The following SLC35F4 variants were observed in gnomAD, a reference collection of about 807,000 sequenced individuals.
The protein encoded by SLC35F4 is solute carrier family 35 member F4, also known as chromosome 14 open reading frame 36.
Under a neutral mutation model 44.2 loss-of-function variants are expected in SLC35F4, and 24 were observed. The observed-to-expected ratio is 0.54, with a 90% CI of 0.39 to 0.76. SLC35F4 has a LOEUF of 0.76. Among genes scored for constraint, SLC35F4 ranks in the 30% least tolerant of loss-of-function variants. The pLI, the probability that SLC35F4 is intolerant of heterozygous loss-of-function variation, is 0.00. For synonymous variants in SLC35F4, 238 were observed against 223.6 expected (o/e 1.06, Z -0.57); for missense variants, 562 against 586.1 (o/e 0.96, Z 0.42).
chr14:57,706,801 G>A (rs2075687351), intron 1 of SLC35F4, among the ~76,000 whole-genome samples: 1 of 152,118 alleles, frequency 6.6e-6, no homozygotes, highest in African/African-American at 2.4e-5. Context: ...ACAAGATGAG[G>A]CTGGAGAAGT....
intron 1 of SLC35F4, among the ~76,000 whole-genome samples, chr14:57,856,522 T>C (rs779163780): frequency 5.9e-5 from 9 of 152,052 alleles, no homozygotes; most frequent in Non-Finnish European, 1.2e-4. Context: ...ATCCAGTTTA[T>C]ATGTAAATTT....
chr14:57,628,963 C>T (rs556944323), intron 1 of SLC35F4, among the ~76,000 whole-genome samples: 103 of 152,204 alleles, frequency 6.8e-4, no homozygotes, highest in African/African-American at 2.3e-3. Flanking sequence ...GTGATGATAA[C>T]AGCACAAGAA....
intron 1 of SLC35F4, among the ~76,000 whole-genome samples, chr14:57,814,039 T>G (rs1302710580): frequency 6.6e-6 from 1 of 152,170 alleles, no homozygotes; most frequent in Non-Finnish European, 1.5e-5. Context: ...AGTCCTGGCC[T>G]GAAAAAGCCC....
intron 1 of SLC35F4, among the ~76,000 whole-genome samples, chr14:57,933,813 T>C (rs1252035336): frequency 6.6e-6 from 1 of 152,132 alleles, no homozygotes; most frequent in Non-Finnish European, 1.5e-5. Flanking sequence ...GTGCAAAGAA[T>C]AAAATGAATC....
chr14:57,887,690 C>T (rs761598075), intron 1 of SLC35F4, among the ~76,000 whole-genome samples: 1 of 152,068 alleles, frequency 6.6e-6, no homozygotes, highest in Non-Finnish European at 1.5e-5. Context: ...TCACAGAGTC[C>T]CAGCAATGGA....
intron 1 of SLC35F4, among the ~76,000 whole-genome samples, chr14:57,846,800 G>T (rs947121005): frequency 6.6e-6 from 1 of 152,174 alleles, no homozygotes; most frequent in African/African-American, 2.4e-5. Flanking sequence ...GATTAAATGT[G>T]TCAGGGGGTT....
chr14:57,716,905 T>G (rs56068443), intron 1 of SLC35F4, among the ~76,000 whole-genome samples: 59,989 of 151,702 alleles, frequency 0.4, 11,824 homozygotes, highest in Middle Eastern at 0.42. Context: ...TAGTAACCAT[T>G]ATTCTACTCT....
intron 1 of SLC35F4, among the ~76,000 whole-genome samples, chr14:57,806,250 A>G (rs1227312794): frequency 6.6e-6 from 1 of 152,198 alleles, no homozygotes; most frequent in Non-Finnish European, 1.5e-5. Flanking sequence ...GTTTGTTCCC[A>G]CAGCTAAAAT....
chr14:57,878,009 T>C (rs1255718147), intron 1 of SLC35F4, among the ~76,000 whole-genome samples: 1 of 152,058 alleles, frequency 6.6e-6, no homozygotes, highest in Non-Finnish European at 1.5e-5. Context: ...TAATAACAAT[T>C]CTGACTGATG....
chr14:57,647,823 A>G (rs1277376500), intron 1 of SLC35F4, among the ~76,000 whole-genome samples: 5 of 152,052 alleles, frequency 3.3e-5, no homozygotes, highest in Non-Finnish European at 5.9e-5. Flanking sequence ...ATCCTCTACC[A>G]TCCCCCAGGC....
chr14:57,571,821 G>T, intron 5 of SLC35F4, 73 bp downstream of exon 5: 4 of 1,514,496 alleles, frequency 2.6e-6, no homozygotes, highest in African/African-American at 1.4e-5. Flanking sequence ...TGATTACATC[G>T]TACTTTCTTA....
In SLC35F4 at chr14:57,741,975, G is replaced by A. The variant is rs1447523328; in HGVS notation, c.103+123748C>T. On this transcript the variant is annotated intron_variant, in intron 1 of 7. Coordinates refer to ENST00000556826, the MANE Select transcript of SLC35F4 (RefSeq NM_001306087.2). Reference sequence around the variant, plus strand: ...AGAATTTCATATCAGGCCAAACTACGCTTCATAAGTGGAGGAGAAATAAAA... The same window carrying A: ...AGAATTTCATATCAGGCCAAACTACACTTCATAAGTGGAGGAGAAATAAAA... Among the ~76,000 whole-genome samples, 7 of 152,200 alleles carry A rather than the reference G, an allele frequency of 4.6e-5. No homozygotes were observed. In the South Asian group the frequency reaches 8.3e-4, roughly 18 times the overall value.
At chr14:57,857,502 T>C (rs1887231194) in intron 1 of SLC35F4, among the ~76,000 whole-genome samples, 1 of 152,088 alleles carries the variant, frequency 6.6e-6, no homozygotes, top group African/African-American at 2.4e-5. Flanking sequence ...TTTTTCTGTG[T>C]GAAAATAATT....
intron 1 of SLC35F4, among the ~76,000 whole-genome samples, chr14:57,792,333 C>T (rs899611490): frequency 6.6e-6 from 1 of 152,052 alleles, no homozygotes; most frequent in Non-Finnish European, 1.5e-5. Flanking sequence ...AGTGCAGCCA[C>T]TATGGAAAAC....
intron 1 of SLC35F4, among the ~76,000 whole-genome samples, chr14:57,687,308 G>A (rs2075096079): frequency 6.6e-6 from 1 of 152,094 alleles, no homozygotes; most frequent in Non-Finnish European, 1.5e-5. Flanking sequence ...CAGGAACAAT[G>A]GTACCATGGG....
chr14:57,865,126 T>C (rs575842939), intron 1 of SLC35F4, among the ~76,000 whole-genome samples: 10 of 136,060 alleles, frequency 7.3e-5, no homozygotes, highest in Middle Eastern at 3.8e-3. Flanking sequence ...CTCGGAGACC[T>C]GAGCAGGTTC....
intron 1 of SLC35F4, among the ~76,000 whole-genome samples, chr14:57,729,777 G>GC (rs578008471): frequency 6.6e-6 from 1 of 152,282 alleles, no homozygotes; most frequent in East Asian, 1.9e-4. Context: ...ACTAGCCGTT[G>GC]CCTAGGAATT....
chr14:57,751,302 G>A (rs2076879278), intron 1 of SLC35F4, among the ~76,000 whole-genome samples: 1 of 152,122 alleles, frequency 6.6e-6, no homozygotes, highest in African/African-American at 2.4e-5. Context: ...TCTCCATGTA[G>A]TTAGTAGTAA....
chr14:57,871,811 C>T (rs890672699), intron 1 of SLC35F4, among the ~76,000 whole-genome samples: 1 of 152,180 alleles, frequency 6.6e-6, no homozygotes, highest in African/African-American at 2.4e-5. Context: ...TTCCCTCTGG[C>T]CCCATGACCA....
Sources: gnomAD v4.1 joint callset for allele counts (sites outside exome capture counted in the v4.1 genomes callset) on GRCh38, gnomAD v4.1.1 for gene constraint, MANE v1.5 for transcripts, NCBI Gene and HGNC (gene_info 2026-07-23, HGNC 2026-07-21) for gene names.